The following SCN10A variants were observed in gnomAD, a reference collection of about 807,000 sequenced individuals.
SCN10A encodes the protein sodium channel protein type 10 subunit alpha.
In SCN10A, 162 loss-of-function variants were observed where a neutral mutation model predicts 170.7. That is an observed-to-expected ratio of 0.95 (90% CI 0.84 to 1.08). The LOEUF is 1.08. Among genes scored for constraint, SCN10A ranks in the 50% least tolerant of loss-of-function variants. SCN10A has a pLI of 0.00. For synonymous variants in SCN10A, 985 were observed against 904.6 expected, an observed-to-expected ratio of 1.09 and a Z score of -1.59; for missense variants, 2,527 against 2,436.9, an observed-to-expected ratio of 1.04 and a Z score of -0.78.
chr3:38,775,317 A>T (rs779266099), intron 4 of SCN10A, among the ~76,000 whole-genome samples: 3 of 152,178 alleles, frequency 2.0e-5, no homozygotes, highest in Non-Finnish European at 2.9e-5. Context: ...TACCTACTAA[A>T]GGTGGAATCA....
At position 38,726,990 on chromosome 3, in the gene SCN10A, CG is replaced by C. The variant is rs2063464244; in HGVS notation, c.2702del (p.Pro901ArgfsTer7). The part of the protein sequence containing the change: ...NSFSADNLTA[P>X]EDDGEVNNLQ... ...GGTTGTTCACCTCCCCATCGTCCTC[CG>C]GGGCTGTGAGGTTGTCAGCACTGAA... On this transcript the variant is annotated frameshift_variant, in exon 17 of 28. Transcript: ENST00000449082. LOFTEE classifies it high-confidence loss of function. 6.2e-7 allele frequency: 1 copy of C among 1,614,092 alleles called. No individual in the cohort carries two copies. The highest frequency in any genetic ancestry group is 1.3e-5 in the African/African-American group (1 of 74,938).
rs910343952 is a variant in SCN10A, at chr3:38,816,018, C to T, written c.-33+19G>A. Reference sequence around the variant, plus strand: ...CTTTACACTGTTAGCCACAGACTAACAAAGTCGCACAGCCAAACCTTTGCT... The same window carrying T: ...CTTTACACTGTTAGCCACAGACTAATAAAGTCGCACAGCCAAACCTTTGCT... On this transcript the variant is annotated intron_variant, in intron 1 of 27. Transcript: ENST00000449082. 2.0e-5 allele frequency: 3 copies of T among 152,228 alleles called. No individual in the cohort carries two copies. Among genetic ancestry groups the T allele is most frequent in the Non-Finnish European group, 4.4e-5 (3 of 68,030 alleles). The allele number at this position is 152,228 out of a possible 1,614,324, so 9.4% of individuals were successfully genotyped here.
rs773986296 is a variant in SCN10A at position 38,760,702 on chromosome 3, C to T, written c.929G>A (p.Cys310Tyr). The change falls in exon 8 of 28, where the codon TGT (cysteine) becomes TAT (tyrosine). Residue 310 changes from cysteine (C) to tyrosine (Y), a missense_variant. Transcript: ENST00000449082. ...TCACCCTGAGTCAGATCCATTGCCA[C>T]ACAGTAAGGGGTCAGAAGTGCCTCG... ...NKRGTSDPLLCGNGSDSGHCP... is the reference protein window; with the variant it reads ...NKRGTSDPLLYGNGSDSGHCP... 1.6e-5 allele frequency: 26 copies of T among 1,614,000 alleles called. No homozygotes were observed. Among genetic ancestry groups the T allele is most frequent in the Non-Finnish European group, 2.2e-5 (26 of 1,179,948 alleles).
chr3:38,713,901 T>C lies in SCN10A; in HGVS notation c.3804+57A>G. On this transcript the variant is annotated intron_variant, in intron 22 of 27. Transcript: ENST00000449082. ...CCTCAGCCTCCCAAAGTGCTGGGAT[T>C]ACAGGCATGAACCACCGTGCCTGGC... 1.9e-6 allele frequency: 3 copies of C among 1,600,128 alleles called. 1 individual carries two copies. In the Admixed American group the frequency reaches 5.0e-5, roughly 27 times the overall value.
intron 5 of SCN10A, among the ~76,000 whole-genome samples, chr3:38,770,612 A>G (rs1240846673): frequency 6.6e-6 from 1 of 152,060 alleles, no homozygotes; most frequent in Non-Finnish European, 1.5e-5. Context: ...CCCTACTCAG[A>G]CCTTGCCCCA....
chr3:38,764,368 G>T (rs76354991), intron 5 of SCN10A, among the ~76,000 whole-genome samples: 1 of 151,680 alleles, frequency 6.6e-6, no homozygotes, highest in South Asian at 2.1e-4. Flanking sequence ...CCTTACCTTC[G>T]TCTCACCTTT....
At position 38,795,341 on chromosome 3, in the gene SCN10A, C is replaced by CTTTTTTTT. The variant is rs201748424; in HGVS notation, c.-32-1300_-32-1299insAAAAAAAA. 1.3e-4 allele frequency among the ~76,000 whole-genome samples: 16 copies of CTTTTTTTT among 127,870 alleles called. 1 individual carries two copies. The highest frequency in any genetic ancestry group is 1.5e-4 in the African/African-American group (5 of 33,100). The allele number at this position is 127,870 out of a possible 152,430, so 83.9% of individuals were successfully genotyped here. On this transcript the variant is annotated intron_variant, in intron 1 of 27. Transcript: ENST00000449082. ...TTGTCTTTTTTGTTTTTTTCTTTTT[C>CTTTTTTTT]TTTTTCTTTTTTTTTTTTTGAGACA... is the stretch of plus-strand genomic sequence containing the variant.
intron 18 of SCN10A, among the ~76,000 whole-genome samples, chr3:38,724,078 A>T (rs2063426981): frequency 6.6e-6 from 1 of 152,238 alleles, no homozygotes; most frequent in Non-Finnish European, 1.5e-5. Context: ...AGGGACAACT[A>T]GCCAGGGGAG....
At chr3:38,708,945 T>C (rs11129802) in intron 25 of SCN10A, among the ~76,000 whole-genome samples, 127,255 of 152,202 alleles carry the variant, frequency 0.84, 53,881 homozygotes, top group East Asian at 0.96. Flanking sequence ...AATAGGAAAA[T>C]ACTTTATACC....
At chr3:38,739,808 G>T in intron 14 of SCN10A, 120 bp from the exon 15 acceptor site, 1 of 824,458 alleles carries the variant, frequency 1.2e-6, no homozygotes. Context: ...TTGTTCAGTT[G>T]CTATGTTATC....
chr3:38,738,851 G>A (rs561004333), intron 15 of SCN10A, among the ~76,000 whole-genome samples: 43 of 152,336 alleles, frequency 2.8e-4, no homozygotes, highest in Non-Finnish European at 4.6e-4. Flanking sequence ...AGGGCGTCCT[G>A]GAGCTGAGTT....
chr3:38,756,055 A>G (rs2063801125), intron 10 of SCN10A, 97 bp from the exon 11 acceptor site: 1 of 1,351,470 alleles, frequency 7.4e-7, no homozygotes, highest in South Asian at 1.2e-5. Flanking sequence ...GAGAGATCTG[A>G]AACAGAGAAG....
At chr3:38,758,110 C>G (rs373492703) in intron 8 of SCN10A, among the ~76,000 whole-genome samples, 18 of 152,284 alleles carry the variant, frequency 1.2e-4, no homozygotes, top group African/African-American at 4.3e-4. Flanking sequence ...TCCATGAACT[C>G]CAACCTCTGG....
chr3:38,708,060 A>G (rs2063229571), intron 25 of SCN10A, among the ~76,000 whole-genome samples: 1 of 152,070 alleles, frequency 6.6e-6, no homozygotes, highest in African/African-American at 2.4e-5. Context: ...TTCCTGACAT[A>G]ATTTGAAAGC....
chr3:38,796,792 C>G (rs1366186505), intron 1 of SCN10A, among the ~76,000 whole-genome samples: 1 of 152,112 alleles, frequency 6.6e-6, no homozygotes. Context: ...TCCCATAACT[C>G]TCTGCACTTT....
chr3:38,804,029 G>C (rs2064390985), intron 1 of SCN10A, among the ~76,000 whole-genome samples: 1 of 152,068 alleles, frequency 6.6e-6, no homozygotes, highest in Non-Finnish European at 1.5e-5. Flanking sequence ...CTCACTGCTA[G>C]CATTCTCTCA....
intron 15 of SCN10A, among the ~76,000 whole-genome samples, chr3:38,737,009 A>G (rs1425815667): frequency 4.9e-5 from 4 of 82,106 alleles, no homozygotes; most frequent in Admixed American, 2.0e-4. Flanking sequence ...CCCGCTGTTT[A>G]GCCCAGGCCG....
At position 38,771,372 on chromosome 3, in the gene SCN10A, A is replaced by G; in HGVS notation, c.506T>C (p.Leu169Ser). Residue 169 changes from leucine to serine, a missense_variant, in exon 5 of 28, where the codon TTG (leucine) becomes TCG (serine). Transcript: ENST00000449082. ...AAATCCTCTTGCCAGTATCTTTATC[A>G]AGGCTTCAAAGGTGTAAATGACAGT... ...VFTVIYTFEALIKILARGFCL... is the reference protein window; with the variant it reads ...VFTVIYTFEASIKILARGFCL... 1 of 1,614,126 alleles carries G rather than the reference A, an allele frequency of 6.2e-7. No individual in the cohort carries two copies. Among genetic ancestry groups the G allele is most frequent in the Non-Finnish European group, 8.5e-7 (1 of 1,179,972 alleles).
Position 38,752,496 on chromosome 3 carries a change from G to A in SCN10A, c.1478C>T (p.Ala493Val). 3.8e-6 allele frequency: 6 copies of A among 1,592,070 alleles called. No individual in the cohort carries two copies. Among genetic ancestry groups the A allele is most frequent in the Non-Finnish European group, 5.1e-6 (6 of 1,168,218 alleles). The change falls in exon 12 of 28, where the codon GCC (alanine) becomes GTC (valine). Residue 493 changes from alanine (A) to valine (V), a missense_variant. Physicochemically the swap from Ala to Val is moderately conservative, Grantham distance 64. Coordinates refer to ENST00000449082, the MANE Select transcript of SCN10A (RefSeq NM_006514.4). ...NQRRMSFLGL[A>V]SGKRRASHGS... ...ATGACTAGCCCGGCGTTTTCCAGAG[G>A]CGAGGCCTAGAAAAGACTGGGCATT...
Sources: allele counts gnomAD v4.1 joint callset (sites outside exome capture counted in the v4.1 genomes callset), GRCh38; gene constraint gnomAD v4.1.1; transcripts MANE v1.5; gene names NCBI Gene and HGNC (gene_info 2026-07-23, HGNC 2026-07-21).